Variants in NYAP2 observed in about 807,000 individuals in gnomAD.
The protein encoded by NYAP2 is neuronal tyrosine-phosphorylated phosphoinositide-3-kinase adaptor 2.
In NYAP2, 23 loss-of-function variants were observed where a neutral mutation model predicts 50.4. That is an observed-to-expected ratio of 0.46 (90% CI 0.33 to 0.65). The LOEUF (loss-of-function observed/expected upper bound fraction) is 0.65. Among genes scored for constraint, NYAP2 ranks in the 30% least tolerant of loss-of-function variants. The pLI is 0.02. For missense variants in NYAP2, 885 were observed against 861.0 expected (o/e 1.03, Z -0.35); for synonymous variants, 394 against 365.2 (o/e 1.08, Z -0.90).
At position 225,582,372 on chromosome 2, in the gene NYAP2, C is replaced by T; in HGVS notation, c.955C>T (p.Leu319Phe). ...AGTGCCATGCCCCCCCAAGGGGCTG[C>T]TTTGCGACATCCCTCCGCCCTTCCC... The change falls in exon 5 of 7, where the codon CTT (leucine) becomes TTT (phenylalanine). Residue 319 changes from leucine (L) to phenylalanine (F), a missense_variant. Transcript: ENST00000636099. This position sits in a 1 kb window ranked among gnomAD's most constrained non-coding sequence, Gnocchi z 7.0. 1 of 1,611,622 alleles carries T rather than the reference C, an allele frequency of 6.2e-7. No individual in the cohort carries two copies. The highest frequency in any genetic ancestry group is 8.5e-7 in the Non-Finnish European group (1 of 1,177,942).
At chr2:225,627,535 G>C (rs2106258237) in intron 6 of NYAP2, among the ~76,000 whole-genome samples, 1 of 152,232 alleles carries the variant, frequency 6.6e-6, no homozygotes, top group East Asian at 1.9e-4. Flanking sequence ...AAGTAACATT[G>C]AGAACAGAAA....
At chr2:225,588,118 G>A (rs577316104) in intron 5 of NYAP2, among the ~76,000 whole-genome samples, 31 of 152,052 alleles carry the variant, frequency 2.0e-4, no homozygotes, top group Middle Eastern at 3.4e-3. Context: ...TAGAGATGGC[G>A]TTTCACCATG....
At chr2:225,606,434 C>T (rs892272675) in intron 5 of NYAP2, among the ~76,000 whole-genome samples, 1 of 152,102 alleles carries the variant, frequency 6.6e-6, no homozygotes, top group African/African-American at 2.4e-5. Flanking sequence ...CGATTTTGTT[C>T]CACAAATGCC....
chr2:225,473,862 C>T lies in NYAP2; in HGVS notation c.222-39509C>T, dbSNP rs563074282. On this transcript the variant is annotated intron_variant, in intron 3 of 6. Coordinates refer to ENST00000636099, the Ensembl canonical transcript of NYAP2. ...GCTTTTGTTGCCATTGCTTTTGGTGCTTTAGACATGAAGTCCTTGCCCATG... is the reference window on the plus strand; with the variant it reads ...GCTTTTGTTGCCATTGCTTTTGGTGTTTTAGACATGAAGTCCTTGCCCATG... Among the ~76,000 whole-genome samples, 1,138 of 151,816 alleles carry T rather than the reference C, an allele frequency of 7.5e-3. 9 individuals carry two copies. The highest frequency in any genetic ancestry group is 0.026 in the African/African-American group (1,080 of 41,460).
At position 225,636,459 on chromosome 2, in the gene NYAP2, A is replaced by G. The variant is rs137885600; in HGVS notation, c.1828+9333A>G. Among the ~76,000 whole-genome samples, 1,209 of 148,902 alleles carry G rather than the reference A, an allele frequency of 8.1e-3. 8 individuals carry two copies. The highest frequency in any genetic ancestry group is 0.021 in the Middle Eastern group (6 of 280). On this transcript the variant is annotated intron_variant, in intron 6 of 6. Coordinates refer to ENST00000636099, the Ensembl canonical transcript of NYAP2. ...TCCTAATTATTCCCCTCTCCCTGTAATCATGCCCTTGGTAATGTGCTTTCT... is the reference window on the plus strand; with the variant it reads ...TCCTAATTATTCCCCTCTCCCTGTAGTCATGCCCTTGGTAATGTGCTTTCT...
the NYAP2 span, among the ~76,000 whole-genome samples, chr2:225,683,422 T>G: frequency 6.6e-6 from 1 of 152,234 alleles, no homozygotes. Context: ...AAGATATTTT[T>G]AAGCTAGCTG....
intron 5 of NYAP2, among the ~76,000 whole-genome samples, chr2:225,617,177 A>G (rs1156401380): frequency 6.6e-6 from 1 of 152,222 alleles, no homozygotes; most frequent in Non-Finnish European, 1.5e-5. Context: ...CTGTAATCTC[A>G]GCACTTTGGG....
chr2:225,633,126 G>C (rs1429224469), intron 6 of NYAP2, among the ~76,000 whole-genome samples: 2 of 152,162 alleles, frequency 1.3e-5, no homozygotes, highest in Non-Finnish European at 2.9e-5. Context: ...GGATGAAAAA[G>C]GTGAAGAGAC....
At chr2:225,589,171 G>C (rs1436929723) in intron 5 of NYAP2, among the ~76,000 whole-genome samples, 4 of 151,934 alleles carry the variant, frequency 2.6e-5, no homozygotes, top group Admixed American at 2.6e-4. Context: ...ATTAAAGTAT[G>C]TGACCTGCAA....
chr2:225,446,244 CTCTATATA>C (rs1178524354), intron 3 of NYAP2, among the ~76,000 whole-genome samples: 188 of 112,076 alleles, frequency 1.7e-3, no homozygotes, highest in South Asian at 5.4e-3. Context: ...CTCTCTCTCT[CTCTATATA>C]TATATATATA....
intron 4 of NYAP2, among the ~76,000 whole-genome samples, chr2:225,581,480 T>A (rs1365077235): frequency 6.6e-6 from 1 of 152,240 alleles, no homozygotes; most frequent in African/African-American, 2.4e-5. Flanking sequence ...AAGCAAGATG[T>A]GTTCACCTAT....
intron 3 of NYAP2, among the ~76,000 whole-genome samples, chr2:225,491,316 C>T (rs1336742146): frequency 3.9e-5 from 6 of 152,124 alleles, no homozygotes; most frequent in East Asian, 1.9e-4. Context: ...GGTTGAGGTG[C>T]GAGGAAGTGT....
chr2:225,544,953 A>T (rs1691545498), intron 4 of NYAP2, among the ~76,000 whole-genome samples: 1 of 152,176 alleles, frequency 6.6e-6, no homozygotes, highest in African/African-American at 2.4e-5. Flanking sequence ...TTTGCTAGAC[A>T]TACTATTCTA....
downstream of NYAP2, among the ~76,000 whole-genome samples, chr2:225,655,937 T>TAC (rs1307721608): frequency 4.7e-4 from 38 of 81,460 alleles, no homozygotes; most frequent in African/African-American, 1.1e-3. Context: ...CATACACACA[T>TAC]ACACACACAC....
intron 5 of NYAP2, among the ~76,000 whole-genome samples, chr2:225,621,112 CA>C (rs35570419): frequency 0.32 from 31,704 of 98,654 alleles, 3,121 homozygotes; most frequent in Admixed American, 0.39. Flanking sequence ...GACTCCGTCT[CA>C]AAAAAAAAAA....
At chr2:225,660,442 T>A in the NYAP2 span, among the ~76,000 whole-genome samples, 1 of 11,006 alleles carries the variant, frequency 9.1e-5, no homozygotes, top group Non-Finnish European at 3.6e-4. Context: ...ACAGGATACA[T>A]TTTTTTTTTT....
intron 5 of NYAP2, among the ~76,000 whole-genome samples, chr2:225,614,745 T>C (rs1323990090): frequency 6.6e-6 from 1 of 152,236 alleles, no homozygotes; most frequent in African/African-American, 2.4e-5. Flanking sequence ...TGTTAAAATC[T>C]GTATGAAGAG....
intron 4 of NYAP2, among the ~76,000 whole-genome samples, chr2:225,553,405 C>T (rs535889864): frequency 6.6e-6 from 1 of 152,274 alleles, no homozygotes; most frequent in South Asian, 2.1e-4. Context: ...AATCACAGGG[C>T]TGAACATGGA....
intron 4 of NYAP2, among the ~76,000 whole-genome samples, chr2:225,532,204 T>C (rs1691267898): frequency 1.3e-5 from 2 of 152,216 alleles, no homozygotes; most frequent in Non-Finnish European, 2.9e-5. Flanking sequence ...TTTTCCATTA[T>C]GTAGGGATCC....
Sources: allele counts gnomAD v4.1 joint callset (sites outside exome capture counted in the v4.1 genomes callset), GRCh38; gene constraint gnomAD v4.1.1; non-coding constraint Gnocchi (gnomAD v3.1); transcripts MANE v1.5; gene names NCBI Gene and HGNC (gene_info 2026-07-23, HGNC 2026-07-21).